The following ADCY2 variants were observed in gnomAD, a reference collection of about 807,000 sequenced individuals.
The protein encoded by ADCY2 is adenylate cyclase 2, also known as adenylate cyclase type 2.
A neutral mutation model predicts 125.2 loss-of-function variants in ADCY2; 31 were observed. The observed-to-expected ratio is 0.25, with a 90% CI of 0.19 to 0.33. ADCY2 has a LOEUF of 0.33. ADCY2 is among the 10% of genes least tolerant of loss of function. ADCY2 has a pLI of 1.00. For missense variants in ADCY2, 904 were observed against 1,418.2 expected (o/e 0.64, Z 5.82); for synonymous variants, 512 against 548.4 (o/e 0.93, Z 0.93).
At position 7,407,993 on chromosome 5, in the gene ADCY2, C is replaced by T. The variant is rs144044609; in HGVS notation, c.211-6580C>T. On this transcript the variant is annotated intron_variant, in intron 1 of 24. Coordinates refer to ENST00000338316, the MANE Select transcript of ADCY2 (RefSeq NM_020546.3). ...AAGTGATTCTTGTGCCTCAGCCTCC[C>T]GAGTAGCTGGGTTTACAGGCATGTG... is the stretch of plus-strand genomic sequence containing the variant. Among the ~76,000 whole-genome samples the T allele has an allele frequency of 4.2e-4, 64 of 150,732 alleles. No individual in the cohort carries two copies. The East Asian group carries it at 0.011, about 27-fold the overall frequency.
chr5:7,720,221 C>G (rs895039184), intron 12 of ADCY2, among the ~76,000 whole-genome samples: 15 of 152,096 alleles, frequency 9.9e-5, no homozygotes, highest in Non-Finnish European at 2.9e-5. Flanking sequence ...TCCAATCCCC[C>G]CAAGTAATAG....
intron 4 of ADCY2, among the ~76,000 whole-genome samples, chr5:7,656,308 C>G (rs1056016271): frequency 3.3e-5 from 5 of 152,216 alleles, no homozygotes; most frequent in South Asian, 4.1e-4. Flanking sequence ...TCTGCCTCAG[C>G]CTTCCGAAGT....
chr5:7,534,463 C>A (rs550104371), intron 3 of ADCY2, among the ~76,000 whole-genome samples: 33 of 152,042 alleles, frequency 2.2e-4, no homozygotes, highest in Non-Finnish European at 3.8e-4. Flanking sequence ...CATGTCTGAA[C>A]CTCAAACTCT....
intron 7 of ADCY2, among the ~76,000 whole-genome samples, chr5:7,701,563 ATGT>A (rs1486777619): frequency 3.3e-5 from 5 of 152,344 alleles, no homozygotes; most frequent in African/African-American, 1.2e-4. Flanking sequence ...TAAATTCAAA[ATGT>A]TGTGTAACCA....
At chr5:7,647,045 T>G (rs17232886) in intron 4 of ADCY2, among the ~76,000 whole-genome samples, 3,898 of 152,286 alleles carry the variant, frequency 0.026, 74 homozygotes, top group Non-Finnish European at 0.037. Context: ...GAAAGTTTTG[T>G]GCCCTGAAGA....
chr5:7,716,607 A>G (rs886475179), intron 11 of ADCY2, among the ~76,000 whole-genome samples: 1 of 152,238 alleles, frequency 6.6e-6, no homozygotes, highest in Non-Finnish European at 1.5e-5. Flanking sequence ...GGATGTTAAT[A>G]GAGAAGAGCC....
At chr5:7,580,689 G>A (rs1324997106) in intron 3 of ADCY2, among the ~76,000 whole-genome samples, 1 of 152,132 alleles carries the variant, frequency 6.6e-6, no homozygotes, top group African/African-American at 2.4e-5. Context: ...GGCTAAATTT[G>A]TCCAAAATGT....
intron 2 of ADCY2, among the ~76,000 whole-genome samples, chr5:7,439,135 T>C (rs536939314): frequency 6.6e-6 from 1 of 152,350 alleles, no homozygotes. Context: ...GTATGATCTT[T>C]TATTTTTAGA....
chr5:7,656,320 C>T (rs535192713), intron 4 of ADCY2, among the ~76,000 whole-genome samples: 34 of 152,336 alleles, frequency 2.2e-4, no homozygotes, highest in African/African-American at 7.5e-4. Context: ...TTCCGAAGTG[C>T]TGGGGTTACA....
intron 4 of ADCY2, among the ~76,000 whole-genome samples, chr5:7,683,591 C>A (rs1334918193): frequency 6.6e-6 from 1 of 152,052 alleles, no homozygotes; most frequent in Non-Finnish European, 1.5e-5. Flanking sequence ...GCTCTTAAGG[C>A]TTTTGTTAGA....
chr5:7,664,059 A>C (rs1466438988), intron 4 of ADCY2, among the ~76,000 whole-genome samples: 4 of 152,220 alleles, frequency 2.6e-5, no homozygotes, highest in African/African-American at 9.6e-5. Context: ...CAGGTTTAGC[A>C]TGACAAAACC....
chr5:7,615,966 GA>G (rs937369400), intron 3 of ADCY2, among the ~76,000 whole-genome samples: 15 of 152,100 alleles, frequency 9.9e-5, no homozygotes, highest in Non-Finnish European at 1.5e-5. Context: ...ATTTAAGAAT[GA>G]AATAAAAATA....
chr5:7,799,344 GTTCAGTGCAT>G (rs1416967502), intron 20 of ADCY2: 1 of 152,318 alleles, frequency 6.6e-6, no homozygotes, highest in Non-Finnish European at 1.5e-5. Flanking sequence ...CCTCTCTTGA[GTTCAGTGCAT>G]GGTTCTCAGC....
At chr5:7,643,690 T>G (rs573531388) in intron 4 of ADCY2, among the ~76,000 whole-genome samples, 10 of 152,188 alleles carry the variant, frequency 6.6e-5, no homozygotes, top group African/African-American at 1.7e-4. Context: ...ATAGTTTGCT[T>G]TTTGGAGAAA....
At chr5:7,528,591 C>A (rs931962456) in intron 3 of ADCY2, among the ~76,000 whole-genome samples, 4 of 152,156 alleles carry the variant, frequency 2.6e-5, no homozygotes, top group African/African-American at 7.2e-5. Flanking sequence ...TGACAGCCAT[C>A]CATTAACTGT....
intron 2 of ADCY2, among the ~76,000 whole-genome samples, chr5:7,456,653 A>G (rs2126430258): frequency 6.6e-6 from 1 of 152,290 alleles, no homozygotes; most frequent in Admixed American, 6.5e-5. Context: ...CCTATTCTTT[A>G]CACTGTTTTA....
intron 2 of ADCY2, among the ~76,000 whole-genome samples, chr5:7,446,969 C>T (rs1328138942): frequency 2.6e-5 from 4 of 152,176 alleles, no homozygotes; most frequent in Non-Finnish European, 4.4e-5. Flanking sequence ...TATCCACAGA[C>T]CCTGCCCTCT....
chr5:7,804,040 A>AGAGAGAGAGAGAGAGAGAGAGAGAGAG (rs1744682437), intron 21 of ADCY2, among the ~76,000 whole-genome samples: 2 of 106,612 alleles, frequency 1.9e-5, no homozygotes, highest in Admixed American at 9.6e-5. Context: ...GGAGGGGGGA[A>AGAGAGAGAGAGAGAGAGAGAGAGAGAG]AGAGAGAGAG....
chr5:7,504,436 T>C (rs1743721259), intron 2 of ADCY2, among the ~76,000 whole-genome samples: 1 of 152,190 alleles, frequency 6.6e-6, no homozygotes, highest in Non-Finnish European at 1.5e-5. Context: ...CCCATTTCTC[T>C]AGTTAATGTT....
Sources: gnomAD v4.1 joint callset for allele counts (sites outside exome capture counted in the v4.1 genomes callset) on GRCh38, gnomAD v4.1.1 for gene constraint, MANE v1.5 for transcripts, NCBI Gene and HGNC (gene_info 2026-07-23, HGNC 2026-07-21) for gene names.